Variants in PEX10 observed in about 807,000 individuals in gnomAD.
PEX10 encodes peroxisome biogenesis factor 10.
A neutral mutation model predicts 38.0 loss-of-function variants in PEX10; 32 were observed. That is an observed-to-expected ratio of 0.84 (90% CI 0.63 to 1.13). The LOEUF (loss-of-function observed/expected upper bound fraction) is 1.13, where lower values mean the gene tolerates loss of function less well. Ranked by LOEUF, PEX10 falls within the 50% of genes most tolerant of loss-of-function variation. The pLI is 0.00. For synonymous variants in PEX10, 206 were observed against 207.3 expected (o/e 0.99, Z 0.05); for missense variants, 483 against 457.7 (o/e 1.06, Z -0.51).
In PEX10 at chr1:2,408,646, G is replaced by A. The variant is rs1484188014; in HGVS notation, c.406C>T (p.Arg136Cys). ...PLQGSLGPGGRGCSGARRWMR... is the reference protein window; with the variant it reads ...PLQGSLGPGGCGCSGARRWMR... ...CAGCGCCGCGCCCCTGAGCAGCCAC[G>A]CCCACCTGGCCCCAGGCTCCCCTGC... is the stretch of plus-strand genomic sequence containing the variant. Residue 136 changes from arginine to cysteine, a missense_variant, in exon 3 of 6, where the codon CGT (arginine) becomes TGT (cysteine). Coordinates refer to ENST00000447513, the MANE Select transcript of PEX10 (RefSeq NM_002617.4). The A allele has an allele frequency of 1.9e-6, 3 of 1,610,540 alleles. No homozygotes were observed. Among genetic ancestry groups the A allele is most frequent in the South Asian group, 2.2e-5 (2 of 90,906 alleles).
intron 1 of PEX10, 73 bp downstream of exon 1, chr1:2,412,318 G>A (rs894881650): frequency 7.7e-5 from 99 of 1,288,838 alleles, no homozygotes; most frequent in Non-Finnish European, 6.1e-5. Flanking sequence ...ACACACGGCA[G>A]ACACCCCGCC....
Position 2,405,419 on chromosome 1 carries a change from A to G in PEX10, c.*347T>C. On this transcript the variant is annotated 3_prime_UTR_variant, in exon 6 of 6. Transcript: ENST00000447513. ...CTGTTTTCTCACAATATAAACGAATAAAGTGTCTTCTGGCCTACTTCTGAA... is the reference window on the plus strand; with the variant it reads ...CTGTTTTCTCACAATATAAACGAATGAAGTGTCTTCTGGCCTACTTCTGAA... 4.6e-6 allele frequency: 2 copies of G among 434,502 alleles called. No individual in the cohort carries two copies. The highest frequency in any genetic ancestry group is 4.3e-6 in the Non-Finnish European group (1 of 231,300). The allele number at this position is 434,502 out of a possible 1,614,324, so 26.9% of individuals were successfully genotyped here.
At chr1:2,407,116 AC>A (rs1643037029) in intron 3 of PEX10, among the ~76,000 whole-genome samples, 1 of 152,212 alleles carries the variant, frequency 6.6e-6, no homozygotes, top group African/African-American at 2.4e-5. Context: ...TGAGCTCCAG[AC>A]CAGCCTTGGC....
At chr1:2,411,712 A>AT (rs1324237592) in intron 1 of PEX10, among the ~76,000 whole-genome samples, 1 of 151,408 alleles carries the variant, frequency 6.6e-6, no homozygotes. Context: ...TAATTTTCAG[A>AT]TTTTTTGTAG....
chr1:2,409,597 A>C lies in PEX10; in HGVS notation c.194-739T>G, dbSNP rs1643118970. The C allele has an allele frequency of 1.3e-5, 2 of 157,220 alleles. No individual in the cohort carries two copies. Among genetic ancestry groups the C allele is most frequent in the African/African-American group, 4.8e-5 (2 of 41,454 alleles). The allele number at this position is 157,220 out of a possible 1,614,324, so 9.7% of individuals were successfully genotyped here. ...TGTCCCCTGAGGTCTGGTCTTAGCT[A>C]GTGGTCGGCCTCTCCCCTGCCCACG... On this transcript the variant is annotated intron_variant, in intron 2 of 5. Coordinates refer to ENST00000447513, the MANE Select transcript of PEX10 (RefSeq NM_002617.4). The surrounding 1 kb of genome is among the most constrained non-coding windows in gnomAD (Gnocchi z 6.2).
chr1:2,406,902 G>C lies in PEX10; in HGVS notation c.601-7C>G, dbSNP rs772097260. The C allele has an allele frequency of 6.2e-7, 1 of 1,607,258 alleles. No homozygotes were observed. The highest frequency in any genetic ancestry group is 8.5e-7 in the Non-Finnish European group (1 of 1,177,274). ...GCAGGCTGCGGACACGGAGCTGTAA[G>C]GCAGATGGCGCCACACTCATCAGGA... On this transcript the variant is annotated splice_region_variant and splice_polypyrimidine_tract_variant and intron_variant, in intron 3 of 5. Coordinates refer to ENST00000447513, the MANE Select transcript of PEX10 (RefSeq NM_002617.4).
chr1:2,412,477 G>A lies in PEX10; in HGVS notation c.26C>T (p.Pro9Leu). The A allele has an allele frequency of 2.9e-6, 4 of 1,392,412 alleles. No homozygotes were observed. The highest frequency in any genetic ancestry group is 3.1e-5 in the South Asian group (2 of 63,586). 86.3% of individuals were successfully genotyped at this position (1,392,412 alleles called of 1,614,324 possible). The change falls in exon 1 of 6, where the codon CCG becomes CTG. Residue 9 changes from proline (P) to leucine (L), a missense_variant. Coordinates refer to ENST00000447513, the MANE Select transcript of PEX10 (RefSeq NM_002617.4). ...CTTCTGCGCCGCGCGGATCACCTCC[G>A]GGGGGCTGGCGGCGGCCGGGGCCAT... MAPAAASP[P>L]EVIRAAQKDE...
At chr1:2,408,924 C>T in intron 2 of PEX10, 66 bp from the exon 3 acceptor site, 1 of 1,522,728 alleles carries the variant, frequency 6.6e-7, no homozygotes, top group Non-Finnish European at 9.0e-7. Context: ...TCCCGGCGCC[C>T]CTGCCAGCCG....
rs969924009 is a variant in PEX10 at position 2,405,848 on chromosome 1, A to G, written c.913-14T>C. ...GGGACACTCCGCCTGCGGAGAGGAGAAAGGGGGTCACAGCAGCTGGGGCCA... is the reference window on the plus strand; with the variant it reads ...GGGACACTCCGCCTGCGGAGAGGAGGAAGGGGGTCACAGCAGCTGGGGCCA... On this transcript the variant is annotated splice_polypyrimidine_tract_variant and intron_variant, in intron 5 of 5. Coordinates refer to ENST00000447513, the MANE Select transcript of PEX10 (RefSeq NM_002617.4). 6.3e-7 allele frequency: 1 copy of G among 1,580,460 alleles called. No homozygotes were observed. The highest frequency in any genetic ancestry group is 1.3e-5 in the African/African-American group (1 of 74,118).
At position 2,405,406 on chromosome 1, in the gene PEX10, A is replaced by G. The variant is rs1026796888; in HGVS notation, c.*360T>C. The G allele has an allele frequency of 5.0e-6, 2 of 403,088 alleles. No individual in the cohort carries two copies. The highest frequency in any genetic ancestry group is 4.1e-5 in the African/African-American group (2 of 48,574). 25.0% of individuals were successfully genotyped at this position (403,088 alleles called of 1,614,324 possible). A position where few individuals can be genotyped will look rare whatever the true frequency, so the allele number is the denominator to read the frequency against. On this transcript the variant is annotated 3_prime_UTR_variant, in exon 6 of 6. Coordinates refer to ENST00000447513, the MANE Select transcript of PEX10 (RefSeq NM_002617.4). ...AAGCCTGATGGGGCTGTTTTCTCAC[A>G]ATATAAACGAATAAAGTGTCTTCTG...
Position 2,405,369 on chromosome 1 carries a change from T to C in PEX10, c.*397A>G, listed in dbSNP as rs1642964674. 3 of 365,502 alleles carry C rather than the reference T, an allele frequency of 8.2e-6. No individual in the cohort carries two copies. Among genetic ancestry groups the C allele is most frequent in the South Asian group, 2.1e-5 (1 of 46,598 alleles). The allele number at this position is 365,502 out of a possible 1,614,324, so 22.6% of individuals were successfully genotyped here. ...ACCCAGCACGCACTCATTCAGTCCA[T>C]TGCCTTAACACAAGCCTGATGGGGC... On this transcript the variant is annotated 3_prime_UTR_variant, in exon 6 of 6. Coordinates refer to ENST00000447513, the MANE Select transcript of PEX10 (RefSeq NM_002617.4).
upstream of PEX10, among the ~76,000 whole-genome samples, chr1:2,413,033 G>T (rs1274810884): frequency 2.0e-5 from 3 of 152,236 alleles, no homozygotes; most frequent in African/African-American, 7.2e-5. Flanking sequence ...CCGCCCTCGC[G>T]CCCTTTGAGC....
rs1277648967 is a variant in PEX10, at chr1:2,405,275, A to G, written c.*491T>C. ...CTCGGGGAGAGCAGCGCCGCCTCCC[A>G]TGGGGCCGTGGGGCTGCTGTTCTCA... On this transcript the variant is annotated 3_prime_UTR_variant, in exon 6 of 6. Coordinates refer to ENST00000447513, the MANE Select transcript of PEX10 (RefSeq NM_002617.4). The G allele has an allele frequency of 1.0e-5, 3 of 288,812 alleles. No individual in the cohort carries two copies. The highest frequency in any genetic ancestry group is 2.0e-5 in the Non-Finnish European group (3 of 148,822). 17.9% of individuals were successfully genotyped at this position (288,812 alleles called of 1,614,324 possible).
chr1:2,406,415 C>A (rs898593435), intron 5 of PEX10, 69 bp downstream of exon 5: 8 of 1,593,572 alleles, frequency 5.0e-6, no homozygotes, highest in Non-Finnish European at 6.8e-6. Flanking sequence ...CCCACTTCTG[C>A]TGCAGCCAGG....
At chr1:2,406,336 A>G in intron 5 of PEX10, 148 bp downstream of exon 5, 1 of 1,039,078 alleles carries the variant, frequency 9.6e-7, no homozygotes, top group Non-Finnish European at 1.5e-6. Context: ...CATCTGACCT[A>G]CCTGGGAGCC....
At position 2,410,776 on chromosome 1, in the gene PEX10, A is replaced by G; in HGVS notation, c.113-325T>C. 1 of 488,758 alleles carries G rather than the reference A, an allele frequency of 2.0e-6. No homozygotes were observed. The highest frequency in any genetic ancestry group is 1.5e-5 in the South Asian group (1 of 64,872). 30.3% of individuals were successfully genotyped at this position (488,758 alleles called of 1,614,324 possible). On this transcript the variant is annotated intron_variant, in intron 1 of 5. Coordinates refer to ENST00000447513, the MANE Select transcript of PEX10 (RefSeq NM_002617.4). This position sits in a 1 kb window ranked among gnomAD's most constrained non-coding sequence, Gnocchi z 5.1. ...TATTAAGATTACAGGCCAGAGGCCA[A>G]CTGTCTAGCATCAAAAAGCAGCTCT...
chr1:2,410,228 A>C lies in PEX10; in HGVS notation c.193+143T>G. The C allele has an allele frequency of 1.2e-5, 9 of 730,478 alleles. No homozygotes were observed. Among genetic ancestry groups the C allele is most frequent in the Non-Finnish European group, 1.7e-5 (7 of 406,384 alleles). The allele number at this position is 730,478 out of a possible 1,614,324, so 45.2% of individuals were successfully genotyped here. A position where few individuals can be genotyped will look rare whatever the true frequency, so the allele number is the denominator to read the frequency against. ...GCAGATGCCTCGCCTCCCTCGGAGC[A>C]GTACCTCCTGCACTTCCCTGAAGCA... On this transcript the variant is annotated intron_variant, in intron 2 of 5. Coordinates refer to ENST00000447513, the MANE Select transcript of PEX10 (RefSeq NM_002617.4). The surrounding 1 kb of genome is among the most constrained non-coding windows in gnomAD (Gnocchi z 5.1).
chr1:2,412,027 G>A (rs1465837646), intron 1 of PEX10, among the ~76,000 whole-genome samples: 2 of 152,240 alleles, frequency 1.3e-5, no homozygotes, highest in Non-Finnish European at 2.9e-5. Context: ...GGGGAGGATC[G>A]GAGGGAGGCT....
In PEX10 at chr1:2,405,294, G is replaced by A. The variant is rs1045459421; in HGVS notation, c.*472C>T. On this transcript the variant is annotated 3_prime_UTR_variant, in exon 6 of 6. Coordinates refer to ENST00000447513, the MANE Select transcript of PEX10 (RefSeq NM_002617.4). ...CCTCCCATGGGGCCGTGGGGCTGCT[G>A]TTCTCACTGCACTGGCTGAAGCAAC... The A allele has an allele frequency of 1.6e-5, 5 of 308,906 alleles. No individual in the cohort carries two copies. In the East Asian group the frequency reaches 4.6e-4, roughly 28 times the overall value. The allele number at this position is 308,906 out of a possible 1,614,324, so 19.1% of individuals were successfully genotyped here. A position where few individuals can be genotyped will look rare whatever the true frequency, so the allele number is the denominator to read the frequency against.
Sources: allele counts gnomAD v4.1 joint callset (sites outside exome capture counted in the v4.1 genomes callset), GRCh38; gene constraint gnomAD v4.1.1; non-coding constraint Gnocchi (gnomAD v3.1); transcripts MANE v1.5; gene names NCBI Gene and HGNC (gene_info 2026-07-23, HGNC 2026-07-21).